The following TTC23L variants were observed in gnomAD, a reference collection of about 807,000 sequenced individuals.
TTC23L encodes tetratricopeptide repeat domain 23 like, also known as tetratricopeptide repeat protein 23-like.
In TTC23L, 42 loss-of-function variants were observed where a neutral mutation model predicts 48.1. The ratio of observed to expected loss-of-function variants is 0.87; its 90% CI spans 0.68 to 1.13. TTC23L has a LOEUF of 1.13. TTC23L is among the 50% of genes most tolerant of loss of function. TTC23L has a pLI of 0.00. For missense variants in TTC23L, 391 were observed against 421.0 expected, an observed-to-expected ratio of 0.93 and a Z score of 0.62; for synonymous variants, 159 against 157.2, an observed-to-expected ratio of 1.01 and a Z score of -0.09.
the TTC23L span, chr5:34,922,934 C>T: frequency 7.8e-7 from 1 of 1,286,694 alleles, no homozygotes. Context: ...GTTATAGAAA[C>T]AAATGAGCAA....
downstream of TTC23L, chr5:34,902,491 A>C (rs1415313574): frequency 3.9e-6 from 1 of 259,536 alleles, no homozygotes; most frequent in Admixed American, 4.0e-5. Flanking sequence ...ATCAACATCT[A>C]TATCAACGCA....
At chr5:34,871,131 C>T (rs545386666) in intron 8 of TTC23L, among the ~76,000 whole-genome samples, 55 of 152,110 alleles carry the variant, frequency 3.6e-4, no homozygotes, top group Admixed American at 9.8e-4. Context: ...TAAAATGGTC[C>T]CTATTTGCAG....
At chr5:34,845,784 T>C in intron 3 of TTC23L, 111 bp downstream of exon 3, 1 of 1,136,054 alleles carries the variant, frequency 8.8e-7, no homozygotes, top group Non-Finnish European at 1.2e-6. Flanking sequence ...GAAGGTGTCA[T>C]ATTTCTTTGT....
chr5:34,848,671 T>C (rs1759417396), intron 3 of TTC23L, among the ~76,000 whole-genome samples: 2 of 151,634 alleles, frequency 1.3e-5, no homozygotes, highest in Admixed American at 1.3e-4. Flanking sequence ...CATGGAAGAG[T>C]GTCCCAAGCA....
chr5:34,889,747 A>G (rs549822733), intron 9 of TTC23L, among the ~76,000 whole-genome samples: 1 of 152,310 alleles, frequency 6.6e-6, no homozygotes, highest in African/African-American at 2.4e-5. Flanking sequence ...ACTATAATGT[A>G]GAAGTTTTTC....
At chr5:34,918,237 C>G in the TTC23L span, 1 of 528,194 alleles carries the variant, frequency 1.9e-6, no homozygotes, top group Non-Finnish European at 3.4e-6. Flanking sequence ...CTTACTTGAG[C>G]CCAGGAACTT....
At chr5:34,876,087 T>C (rs563747424) in intron 8 of TTC23L, among the ~76,000 whole-genome samples, 1 of 152,290 alleles carries the variant, frequency 6.6e-6, no homozygotes, top group South Asian at 2.1e-4. Context: ...GAATTAAGAT[T>C]TTTTTGAAAA....
At chr5:34,844,220 C>T (rs928847642) in intron 2 of TTC23L, among the ~76,000 whole-genome samples, 11 of 152,168 alleles carry the variant, frequency 7.2e-5, no homozygotes, top group Admixed American at 5.2e-4. Context: ...CTACTGAAAG[C>T]ACACTCGTCT....
the TTC23L span, among the ~76,000 whole-genome samples, chr5:34,911,270 C>G: frequency 6.6e-6 from 1 of 152,096 alleles, no homozygotes; most frequent in East Asian, 1.9e-4. Context: ...GTAACCTGAT[C>G]TATGAAAGTA....
chr5:34,853,876 A>C (rs1580431504), intron 4 of TTC23L, among the ~76,000 whole-genome samples: 1 of 152,172 alleles, frequency 6.6e-6, no homozygotes, highest in Admixed American at 6.5e-5. Context: ...CTGGAATTCA[A>C]ACTTGAGGTG....
Position 34,866,050 on chromosome 5 carries a change from A to G in TTC23L, c.663-842A>G, listed in dbSNP as rs541336917. Among the ~76,000 whole-genome samples the G allele has an allele frequency of 7.2e-5, 11 of 152,346 alleles. 1 individual carries two copies. In the South Asian group the frequency reaches 8.3e-4, roughly 11 times the overall value. On this transcript the variant is annotated intron_variant, in intron 6 of 10. Coordinates refer to ENST00000505624, the Ensembl canonical transcript of TTC23L. ...GAGAAAGCTCATAATTACCAGAACC[A>G]GCTTTGAACTACCCATGATCTCATT... is the stretch of plus-strand genomic sequence containing the variant.
At chr5:34,914,955 C>T in the TTC23L span, 7 of 1,568,800 alleles carry the variant, frequency 4.5e-6, no homozygotes, top group Non-Finnish European at 6.1e-6. Flanking sequence ...GGCGGATCGC[C>T]AAACACCTGA....
At chr5:34,871,584 GATAGC>G (rs1319373959) in intron 8 of TTC23L, among the ~76,000 whole-genome samples, 1 of 152,086 alleles carries the variant, frequency 6.6e-6, no homozygotes, top group Non-Finnish European at 1.5e-5. Flanking sequence ...AAGAAATTAG[GATAGC>G]TAAAATGGTT....
chr5:34,846,574 AAAATAT>A (rs1344361010), intron 3 of TTC23L, among the ~76,000 whole-genome samples: 2 of 107,994 alleles, frequency 1.9e-5, no homozygotes, highest in African/African-American at 1.0e-4. Context: ...AAAAAAAAAA[AAAATAT>A]ATATATATAT....
In TTC23L at chr5:34,863,458, C is replaced by A. The variant is rs955299078; in HGVS notation, c.536+404C>A. On this transcript the variant is annotated intron_variant, in intron 5 of 10. Transcript: ENST00000505624. This position sits in a 1 kb window ranked among gnomAD's most constrained non-coding sequence, Gnocchi z 4.1. ...GGCAAACTAGGCTGCACATTGTAAT[C>A]CCCTGGGGAGCTTTAAGAATTTCTG... 1.3e-5 allele frequency among the ~76,000 whole-genome samples: 2 copies of A among 152,138 alleles called. No homozygotes were observed. Among genetic ancestry groups the A allele is most frequent in the Non-Finnish European group, 2.9e-5 (2 of 68,030 alleles).
At chr5:34,918,171 A>C in the TTC23L span, 2 of 376,068 alleles carry the variant, frequency 5.3e-6, no homozygotes, top group East Asian at 4.2e-5. Flanking sequence ...CTAGCTGGAC[A>C]TGGTGGCACA....
chr5:34,904,410 A>G (rs1273417591), downstream of TTC23L, among the ~76,000 whole-genome samples: 1 of 151,566 alleles, frequency 6.6e-6, no homozygotes, highest in Non-Finnish European at 1.5e-5. Context: ...CCTGGCCAAC[A>G]TGGTGAAACC....
At chr5:34,842,738 C>T (rs1054158567) in intron 2 of TTC23L, among the ~76,000 whole-genome samples, 8 of 152,292 alleles carry the variant, frequency 5.3e-5, no homozygotes, top group Middle Eastern at 3.4e-3. Flanking sequence ...CAGGAGCACT[C>T]GTGAGTTTGC....
intron 3 of TTC23L, among the ~76,000 whole-genome samples, chr5:34,849,312 G>A (rs544124196): frequency 5.3e-5 from 8 of 152,224 alleles, no homozygotes; most frequent in East Asian, 1.9e-4. Flanking sequence ...CCATGAAGTC[G>A]TTTTGTAAAA....
Sources: allele counts gnomAD v4.1 joint callset (sites outside exome capture counted in the v4.1 genomes callset), GRCh38; gene constraint gnomAD v4.1.1; non-coding constraint Gnocchi (gnomAD v3.1); transcripts MANE v1.5; gene names NCBI Gene and HGNC (gene_info 2026-07-23, HGNC 2026-07-21).